PLCE1: variants seen among roughly 807,000 people sequenced by gnomAD.
The protein encoded by PLCE1 is 1-phosphatidylinositol 4,5-bisphosphate phosphodiesterase epsilon-1.
PLCE1 carries 119 observed loss-of-function variants against 242.8 expected under a neutral mutation model. The observed-to-expected ratio is 0.49, with a 90% confidence interval of 0.42 to 0.57. The LOEUF (loss-of-function observed/expected upper bound fraction) is 0.57, where lower values mean the gene tolerates loss of function less well. PLCE1 is among the 20% of genes least tolerant of loss of function. The pLI is 0.00. For missense variants in PLCE1, 2,441 were observed against 2,788.8 expected, an observed-to-expected ratio of 0.88 and a Z score of 2.81; for synonymous variants, 945 against 1,017.4, an observed-to-expected ratio of 0.93 and a Z score of 1.35.
At chr10:94,171,684 C>A (rs890552591) in intron 4 of PLCE1, among the ~76,000 whole-genome samples, 188 bp downstream of exon 4, 2 of 152,092 alleles carry the variant, frequency 1.3e-5, no homozygotes, top group African/African-American at 4.8e-5. Context: ...TCTCACTGTA[C>A]CCCAACTTGC....
At chr10:94,249,425 T>TA (rs56780364) in intron 8 of PLCE1, among the ~76,000 whole-genome samples, 60,867 of 148,874 alleles carry the variant, frequency 0.41, 12,171 homozygotes, top group Middle Eastern at 0.56. Context: ...GCCCTAAAGT[T>TA]AAAAAAAAAA....
At chr10:94,280,070 G>A in intron 20 of PLCE1, 159 bp downstream of exon 20, 1 of 736,840 alleles carries the variant, frequency 1.4e-6, no homozygotes, top group Non-Finnish European at 2.3e-6. Context: ...CAAGGACCGA[G>A]GAAGGAGGGG....
intron 1 of PLCE1, among the ~76,000 whole-genome samples, chr10:94,026,948 A>C (rs1240330368): frequency 1.3e-5 from 2 of 152,158 alleles, no homozygotes; most frequent in African/African-American, 2.4e-5. Context: ...TTGGATTTCA[A>C]AGTATTTCCT....
intron 1 of PLCE1, among the ~76,000 whole-genome samples, chr10:93,997,632 CTTTTTTTTTTT>C (rs34338995): frequency 1.0e-4 from 8 of 79,870 alleles, no homozygotes; most frequent in East Asian, 4.3e-4. Flanking sequence ...AATAACCATC[CTTTTTTTTTTT>C]TTTTTTTTTT....
At chr10:94,309,597 C>A (rs953242214) in intron 27 of PLCE1, among the ~76,000 whole-genome samples, 1 of 152,040 alleles carries the variant, frequency 6.6e-6, no homozygotes, top group African/African-American at 2.4e-5. Flanking sequence ...AGGTGGCCTC[C>A]CAAGGTGCTG....
chr10:94,255,172 A>C, intron 11 of PLCE1, 123 bp downstream of exon 11: 3 of 1,276,730 alleles, frequency 2.3e-6, no homozygotes, highest in Non-Finnish European at 3.3e-6. Flanking sequence ...TTGAACTGAA[A>C]ACTGAAAAAT....
chr10:94,088,143 T>G (rs1172117475), intron 2 of PLCE1: 1 of 152,238 alleles, frequency 6.6e-6, no homozygotes, highest in African/African-American at 2.4e-5. Context: ...TACCACTACT[T>G]GATCTCTCTG....
Position 94,252,260 on chromosome 10 carries a change from T to C in PLCE1, c.3097-56T>C. 10 of 1,504,300 alleles carry C rather than the reference T, an allele frequency of 6.6e-6. No individual in the cohort carries two copies. In the South Asian group the frequency reaches 1.0e-4, roughly 15 times the overall value. The allele number at this position is 1,504,300 out of a possible 1,614,324, so 93.2% of individuals were successfully genotyped here. On this transcript the variant is annotated intron_variant, in intron 8 of 32. Coordinates refer to ENST00000371380, the MANE Select transcript of PLCE1 (RefSeq NM_016341.4). ...AATTTTCTGGGAGACATTAATATAT[T>C]TACTTCCCCATTGCTTGATGCTTCC...
chr10:94,128,781 G>T (rs74151056), intron 2 of PLCE1, among the ~76,000 whole-genome samples: 5,234 of 152,130 alleles, frequency 0.034, 288 homozygotes, highest in African/African-American at 0.11. Context: ...TTAAGACAGG[G>T]TCAAAAACAC....
intron 1 of PLCE1, among the ~76,000 whole-genome samples, chr10:94,009,587 C>T (rs829228): frequency 0.56 from 84,409 of 152,044 alleles, 24,699 homozygotes; most frequent in East Asian, 0.75. Flanking sequence ...ACTCATTTCC[C>T]TCTACCCATG....
intron 1 of PLCE1, among the ~76,000 whole-genome samples, chr10:94,009,114 C>A (rs1354471633): frequency 6.6e-6 from 1 of 152,132 alleles, no homozygotes; most frequent in Non-Finnish European, 1.5e-5. Flanking sequence ...ATTGGCTCAC[C>A]ATTCTGCAGA....
intron 2 of PLCE1, among the ~76,000 whole-genome samples, chr10:94,118,782 C>A (rs2046216541): frequency 6.6e-6 from 1 of 152,144 alleles, no homozygotes; most frequent in Non-Finnish European, 1.5e-5. Flanking sequence ...TACGTATGCT[C>A]TTCTACACAC....
intron 4 of PLCE1, among the ~76,000 whole-genome samples, chr10:94,190,417 T>C (rs866824149): frequency 1.3e-5 from 2 of 152,174 alleles, no homozygotes; most frequent in African/African-American, 2.4e-5. Context: ...AAGACCAGCC[T>C]GGGAAAAACA....
Position 94,329,777 on chromosome 10 carries a change from A to AG in PLCE1, c.*1834_*1835insG. Reference sequence around the variant, plus strand: ...TGGTGACAGAGCGAGACTCCGTCTCAAAAAAAAAAAAAAAAAAAAAAAAAA... The same window carrying AG: ...TGGTGACAGAGCGAGACTCCGTCTCAGAAAAAAAAAAAAAAAAAAAAAAAAA... On this transcript the variant is annotated 3_prime_UTR_variant, in exon 33 of 33. Coordinates refer to ENST00000371380, the MANE Select transcript of PLCE1 (RefSeq NM_016341.4). 3.2e-5 allele frequency: 1 copy of AG among 30,996 alleles called. No individual in the cohort carries two copies. The highest frequency in any genetic ancestry group is 3.2e-4 in the Admixed American group (1 of 3,112). The allele number at this position is 30,996 out of a possible 1,614,324, so 1.9% of individuals were successfully genotyped here.
intron 4 of PLCE1, among the ~76,000 whole-genome samples, chr10:94,220,376 T>TTATTTATATATA (rs1554887055): frequency 1.6e-5 from 1 of 61,878 alleles, no homozygotes; most frequent in African/African-American, 6.3e-5. Context: ...ACTAAACATT[T>TTATTTATATATA]TATATATATA....
chr10:94,269,860 A>G (rs1440153122), intron 17 of PLCE1, among the ~76,000 whole-genome samples: 2 of 152,220 alleles, frequency 1.3e-5, no homozygotes, highest in African/African-American at 2.4e-5. Context: ...TAGTTGAGTT[A>G]TGCAATTACT....
chr10:94,055,235 T>C (rs757254991), intron 2 of PLCE1, among the ~76,000 whole-genome samples: 12 of 151,510 alleles, frequency 7.9e-5, no homozygotes, highest in Non-Finnish European at 1.3e-4. Flanking sequence ...AATAACCTAA[T>C]AATAATTATA....
At chr10:94,271,894 G>A (rs1011041828) in intron 18 of PLCE1, among the ~76,000 whole-genome samples, 5 of 152,214 alleles carry the variant, frequency 3.3e-5, no homozygotes, top group East Asian at 3.9e-4. Flanking sequence ...CACCTGAGCC[G>A]CAAACCCAGC....
Position 94,265,689 on chromosome 10 carries a change from T to C in PLCE1, c.4096T>C (p.Ser1366Pro), listed in dbSNP as rs761445364. 4 of 1,613,946 alleles carry C rather than the reference T, an allele frequency of 2.5e-6. No individual in the cohort carries two copies. The highest frequency in any genetic ancestry group is 2.5e-6 in the Non-Finnish European group (3 of 1,179,862). ...SISMCHQGLM[S>P]FEGFARFLMD... ...CAGTATGTGTCATCAGGGACTAATGTCATTTGAAGGGTTTGCCAGGTAACT... is the reference window on the plus strand; with the variant it reads ...CAGTATGTGTCATCAGGGACTAATGCCATTTGAAGGGTTTGCCAGGTAACT... The change falls in exon 15 of 33, where the codon TCA (serine) becomes CCA (proline). Residue 1366 changes from serine to proline, a missense_variant. Physicochemically the swap from Ser to Pro is moderately conservative, Grantham distance 74. This residue lies in a region of PLCE1 where 1,004 missense variants were observed against 1,322.7 expected (regional missense o/e 0.76). Transcript: ENST00000371380.
Sources: allele counts gnomAD v4.1 joint callset (sites outside exome capture counted in the v4.1 genomes callset), GRCh38; gene constraint gnomAD v4.1.1; regional missense constraint gnomAD v4.1.1; transcripts MANE v1.5; gene names NCBI Gene and HGNC (gene_info 2026-07-23, HGNC 2026-07-21).